Variants in VPS13B observed in about 807,000 individuals in gnomAD.
The protein encoded by VPS13B is vacuolar protein sorting 13 homolog B.
A neutral mutation model predicts 426.4 loss-of-function variants in VPS13B; 285 were observed. That is an observed-to-expected ratio of 0.67 (90% CI 0.61 to 0.74). The LOEUF (loss-of-function observed/expected upper bound fraction) is 0.74. Ranked by LOEUF, VPS13B falls within the 30% of genes least tolerant of loss-of-function variation. The pLI is 0.00. For missense variants in VPS13B, 4,537 were observed against 4,782.6 expected, an observed-to-expected ratio of 0.95 and a Z score of 1.51; for synonymous variants, 1,676 against 1,676.4, an observed-to-expected ratio of 1.00 and a Z score of 0.01.
At chr8:99,421,613 A>G (rs1031354786) in intron 21 of VPS13B, among the ~76,000 whole-genome samples, 1 of 152,100 alleles carries the variant, frequency 6.6e-6, no homozygotes, top group East Asian at 1.9e-4. Context: ...CAGTTTCCCT[A>G]TCTAAAAATG....
intron 19 of VPS13B, among the ~76,000 whole-genome samples, chr8:99,362,177 C>T (rs748450098): frequency 1.5e-5 from 2 of 132,694 alleles, no homozygotes; most frequent in Non-Finnish European, 3.1e-5. Context: ...GAGTCTCGCT[C>T]TGTCGCCCAG....
intron 35 of VPS13B, among the ~76,000 whole-genome samples, chr8:99,670,361 A>G (rs1028562478): frequency 3.5e-4 from 54 of 152,222 alleles, no homozygotes; most frequent in African/African-American, 1.2e-3. Context: ...ATAATTGACA[A>G]AAATTACAAA....
At chr8:99,785,700 T>A (rs1812222775) in intron 43 of VPS13B, among the ~76,000 whole-genome samples, 1 of 152,154 alleles carries the variant, frequency 6.6e-6, no homozygotes, top group Admixed American at 6.5e-5. Context: ...TATGTTTAAT[T>A]TTTTTTCCTA....
At chr8:99,842,041 TTCCCGCCTTTCAAAG>T (rs1815715209) in intron 54 of VPS13B, among the ~76,000 whole-genome samples, 1 of 152,204 alleles carries the variant, frequency 6.6e-6, no homozygotes, top group Admixed American at 6.5e-5. Context: ...CAATCACCTC[TTCCCGCCTTTCAAAG>T]TCTAAGTCTA....
intron 55 of VPS13B, among the ~76,000 whole-genome samples, chr8:99,852,801 G>A (rs980412396): frequency 6.6e-6 from 1 of 151,992 alleles, no homozygotes; most frequent in Non-Finnish European, 1.5e-5. Flanking sequence ...GGGAGAGAGT[G>A]GAGTCATGAG....
intron 19 of VPS13B, among the ~76,000 whole-genome samples, chr8:99,313,642 C>G (rs1054532392): frequency 3.3e-5 from 5 of 152,116 alleles, no homozygotes; most frequent in Non-Finnish European, 5.9e-5. Flanking sequence ...GGCAGTCTGT[C>G]CATTCTCAGA....
intron 19 of VPS13B, among the ~76,000 whole-genome samples, chr8:99,296,488 A>C (rs1820049956): frequency 6.6e-6 from 1 of 152,184 alleles, no homozygotes; most frequent in South Asian, 2.1e-4. Context: ...CCTGGACTGA[A>C]TGTAAATTTG....
rs548293407 is a variant in VPS13B, at chr8:99,227,461, A to G, written c.2515+34404A>G. 3.3e-5 allele frequency among the ~76,000 whole-genome samples: 5 copies of G among 152,294 alleles called. No individual in the cohort carries two copies. The South Asian group carries it at 1.0e-3, about 32-fold the overall frequency. ...TATTTTGTTATTTATAGTTTAGGGA[A>G]TGGCTTAATTACTTGAAAAACTGCC... is the stretch of plus-strand genomic sequence containing the variant. On this transcript the variant is annotated intron_variant, in intron 17 of 61. Coordinates refer to ENST00000357162, the MANE Select transcript of VPS13B (RefSeq NM_152564.5).
intron 36 of VPS13B, among the ~76,000 whole-genome samples, chr8:99,715,053 A>T (rs972956240): frequency 6.6e-6 from 1 of 152,134 alleles, no homozygotes; most frequent in Non-Finnish European, 1.5e-5. Flanking sequence ...ATGTTTTTTC[A>T]ACTTTTATGT....
At chr8:99,662,379 A>T (rs1177609616) in intron 35 of VPS13B, among the ~76,000 whole-genome samples, 1 of 152,114 alleles carries the variant, frequency 6.6e-6, no homozygotes, top group Admixed American at 6.6e-5. Context: ...TTGTAGTTAC[A>T]GTGCTTCAGA....
At chr8:99,364,915 T>G (rs1812765505) in intron 19 of VPS13B, among the ~76,000 whole-genome samples, 1 of 152,198 alleles carries the variant, frequency 6.6e-6, no homozygotes, top group Non-Finnish European at 1.5e-5. Context: ...TCTAGACTTT[T>G]CTTTGCTAGG....
intron 31 of VPS13B, among the ~76,000 whole-genome samples, chr8:99,557,068 A>C (rs1381075676): frequency 6.6e-6 from 1 of 152,068 alleles, no homozygotes; most frequent in African/African-American, 2.4e-5. Flanking sequence ...TGTGGGGAAA[A>C]ACAAGAGTTT....
chr8:99,590,707 G>T (rs1826601454), intron 33 of VPS13B, among the ~76,000 whole-genome samples: 2 of 152,154 alleles, frequency 1.3e-5, no homozygotes, highest in Admixed American at 1.3e-4. Context: ...GAAACAGTTT[G>T]TTGTGATTTC....
At chr8:99,868,767 G>T (rs1381311317) in intron 59 of VPS13B, among the ~76,000 whole-genome samples, 2 of 152,200 alleles carry the variant, frequency 1.3e-5, no homozygotes, top group Admixed American at 6.5e-5. Context: ...GCAGAGAAAA[G>T]AATTAAGACT....
chr8:99,821,506 G>T, intron 50 of VPS13B, 24 bp downstream of exon 50: 1 of 1,613,190 alleles, frequency 6.2e-7, no homozygotes, highest in South Asian at 1.1e-5. Flanking sequence ...CTATGTGGCT[G>T]GGAGGAAATA....
At chr8:99,415,424 C>T (rs1815944817) in intron 21 of VPS13B, among the ~76,000 whole-genome samples, 1 of 152,022 alleles carries the variant, frequency 6.6e-6, no homozygotes, top group Non-Finnish European at 1.5e-5. Flanking sequence ...ATCAATTTGT[C>T]AAACTCATTC....
In VPS13B at chr8:99,575,697, C is replaced by G; in HGVS notation, c.4989C>G (p.Pro1663=). 6.2e-7 allele frequency: 1 copy of G among 1,613,816 alleles called. No individual in the cohort carries two copies. The highest frequency in any genetic ancestry group is 8.5e-7 in the Non-Finnish European group (1 of 1,179,888). The change falls in exon 32 of 62, where the codon CCC becomes CCG. Residue 1663 remains proline, a synonymous_variant. Coordinates refer to ENST00000357162, the MANE Select transcript of VPS13B (RefSeq NM_152564.5). ...RHQERRAILT[P]VLTDFSVRIT... is the part of the protein sequence containing the mutation. Reference sequence around the variant, plus strand: ...AAGAAAGGAGAGCAATTTTGACCCCCGTTTTGACAGATTTTTCTGTCCGAA... The same window carrying G: ...AAGAAAGGAGAGCAATTTTGACCCCGGTTTTGACAGATTTTTCTGTCCGAA...
chr8:99,485,284 C>A (rs761576775), intron 25 of VPS13B, among the ~76,000 whole-genome samples: 10 of 152,062 alleles, frequency 6.6e-5, no homozygotes, highest in Non-Finnish European at 1.5e-4. Context: ...TTTGTTATAA[C>A]AAGAGAGGAA....
Position 99,067,976 on chromosome 8 carries a change from T to C in VPS13B, c.292-28336T>C, listed in dbSNP as rs545529038. Among the ~76,000 whole-genome samples, 45 of 152,358 alleles carry C rather than the reference T, an allele frequency of 3.0e-4. No individual in the cohort carries two copies. The South Asian group carries it at 9.3e-3, about 32-fold the overall frequency. On this transcript the variant is annotated intron_variant, in intron 3 of 61. Transcript: ENST00000357162. Reference sequence around the variant, plus strand: ...CCATGACACTTTTAGATATTTATCATGTTGGCTAGATTTCGCCTTTTACTT... The same window carrying C: ...CCATGACACTTTTAGATATTTATCACGTTGGCTAGATTTCGCCTTTTACTT...
Sources: allele counts gnomAD v4.1 joint callset (sites outside exome capture counted in the v4.1 genomes callset), GRCh38; gene constraint gnomAD v4.1.1; transcripts MANE v1.5; gene names NCBI Gene and HGNC (gene_info 2026-07-23, HGNC 2026-07-21).